Variants in MAF observed in about 807,000 individuals in gnomAD.
MAF encodes the protein transcription factor Maf.
Under a neutral mutation model 22.0 loss-of-function variants are expected in MAF, and 10 were observed. The observed-to-expected ratio is 0.45, with a 90% CI of 0.28 to 0.77. MAF has a LOEUF of 0.77. Among genes scored for constraint, MAF ranks in the 30% least tolerant of loss-of-function variants. MAF has a pLI of 0.12. For missense variants in MAF, 544 were observed against 548.4 expected (o/e 0.99, Z 0.08); for synonymous variants, 337 against 255.8 (o/e 1.32, Z -3.03).
chr16:79,465,535 T>A, the MAF span, among the ~76,000 whole-genome samples: 1 of 152,118 alleles, frequency 6.6e-6, no homozygotes, highest in Non-Finnish European at 1.5e-5. Context: ...GGAGTTGCAG[T>A]GAGCCGTGAT....
chr16:79,264,566 A>G, the MAF span: 1 of 152,164 alleles, frequency 6.6e-6, no homozygotes, highest in South Asian at 2.1e-4. Context: ...CTGAGCCAGG[A>G]TTTGACCCCA....
chr16:79,340,650 A>T, the MAF span, among the ~76,000 whole-genome samples: 1 of 151,854 alleles, frequency 6.6e-6, no homozygotes, highest in Non-Finnish European at 1.5e-5. Flanking sequence ...ACAGAGTGGG[A>T]TCTCTACCTG....
At chr16:79,502,258 C>G in the MAF span, among the ~76,000 whole-genome samples, 1 of 152,168 alleles carries the variant, frequency 6.6e-6, no homozygotes, top group South Asian at 2.1e-4. Flanking sequence ...GCCTGCTGGC[C>G]TCAGGTTACC....
At chr16:79,589,677 C>T (rs1054612702), downstream of MAF, among the ~76,000 whole-genome samples, 1 of 152,176 alleles carries the variant, frequency 6.6e-6, no homozygotes. Context: ...TCCAGGCGCC[C>T]GCCCACCCAG....
chr16:79,325,598 A>AACACACACAC, the MAF span, among the ~76,000 whole-genome samples: 1,085 of 145,602 alleles, frequency 7.5e-3, 9 homozygotes, highest in African/African-American at 0.025. Context: ...CCCAGACACA[A>AACACACACAC]ACACACACAC....
chr16:79,216,105 C>A, the MAF span, among the ~76,000 whole-genome samples: 3,812 of 152,244 alleles, frequency 0.025, 140 homozygotes, highest in African/African-American at 0.078. Flanking sequence ...CCTATTTCTC[C>A]CCATTTGTCA....
At chr16:79,374,424 T>C in the MAF span, among the ~76,000 whole-genome samples, 1 of 152,244 alleles carries the variant, frequency 6.6e-6, no homozygotes, top group Non-Finnish European at 1.5e-5. Context: ...TCTCTGCTTT[T>C]GTTCCCTCCC....
At chr16:79,392,864 C>T in the MAF span, among the ~76,000 whole-genome samples, 1 of 152,174 alleles carries the variant, frequency 6.6e-6, no homozygotes, top group East Asian at 1.9e-4. Flanking sequence ...TGTGGGAATC[C>T]ACTGCTGTAC....
At chr16:79,227,510 A>G in the MAF span, among the ~76,000 whole-genome samples, 1 of 152,034 alleles carries the variant, frequency 6.6e-6, no homozygotes. Context: ...ATGGTCGAGT[A>G]ACGGTACTGT....
the MAF span, among the ~76,000 whole-genome samples, chr16:79,244,907 A>C: frequency 5.3e-5 from 8 of 152,012 alleles, no homozygotes; most frequent in Non-Finnish European, 1.0e-4. Flanking sequence ...CTCAGAAATA[A>C]TACCACACCT....
the MAF span, among the ~76,000 whole-genome samples, chr16:79,423,162 C>A: frequency 6.6e-6 from 1 of 152,090 alleles, no homozygotes; most frequent in African/African-American, 2.4e-5. Context: ...TAAGCATATC[C>A]CAAATATTGC....
At chr16:79,294,148 C>G in the MAF span, among the ~76,000 whole-genome samples, 1 of 152,162 alleles carries the variant, frequency 6.6e-6, no homozygotes, top group Admixed American at 6.5e-5. Flanking sequence ...AGGGACAAAG[C>G]AACATCTCAG....
At chr16:79,453,359 G>C in the MAF span, among the ~76,000 whole-genome samples, 3 of 152,032 alleles carry the variant, frequency 2.0e-5, no homozygotes, top group Non-Finnish European at 2.9e-5. Flanking sequence ...ATGGCATCCG[G>C]TAACAATTTT....
At chr16:79,315,045 C>A in the MAF span, among the ~76,000 whole-genome samples, 2 of 152,290 alleles carry the variant, frequency 1.3e-5, no homozygotes, top group African/African-American at 2.4e-5. Context: ...CTGGCTGGAC[C>A]TTTTGTCTGC....
the MAF span, among the ~76,000 whole-genome samples, chr16:79,306,814 T>G: frequency 6.6e-6 from 1 of 152,222 alleles, no homozygotes; most frequent in African/African-American, 2.4e-5. Context: ...CTGTGTGACC[T>G]TGGACAAGCT....
chr16:79,587,232 G>C (rs768078223), intron 1 of MAF, among the ~76,000 whole-genome samples: 1 of 151,970 alleles, frequency 6.6e-6, no homozygotes, highest in Non-Finnish European at 1.5e-5. Flanking sequence ...CAAATCTTAA[G>C]GTAGAAACTA....
chr16:79,379,214 C>G, the MAF span, among the ~76,000 whole-genome samples: 99 of 152,254 alleles, frequency 6.5e-4, no homozygotes, highest in African/African-American at 2.2e-3. Flanking sequence ...CCTGTCAACC[C>G]TAATAGATTG....
At chr16:79,249,104 A>C in the MAF span, among the ~76,000 whole-genome samples, 1 of 152,160 alleles carries the variant, frequency 6.6e-6, no homozygotes, top group Non-Finnish European at 1.5e-5. Flanking sequence ...CTCTGTCTAC[A>C]TGGATGGATT....
the MAF span, among the ~76,000 whole-genome samples, chr16:79,525,224 C>T: frequency 6.6e-6 from 1 of 152,084 alleles, no homozygotes; most frequent in Non-Finnish European, 1.5e-5. Context: ...TAATCAGGCA[C>T]TTAAAATAAA....
Sources: allele counts gnomAD v4.1 joint callset (sites outside exome capture counted in the v4.1 genomes callset), GRCh38; gene constraint gnomAD v4.1.1; transcripts MANE v1.5; gene names NCBI Gene and HGNC (gene_info 2026-07-23, HGNC 2026-07-21).